The following CDKAL1 variants were observed in gnomAD, a reference collection of about 807,000 sequenced individuals.
The protein encoded by CDKAL1 is CDKAL1 threonylcarbamoyladenosine tRNA methylthiotransferase.
In CDKAL1, 32 loss-of-function variants were observed where a neutral mutation model predicts 68.2. That is an observed-to-expected ratio of 0.47 (90% CI 0.35 to 0.63). The LOEUF is 0.63. CDKAL1 is among the 30% of genes least tolerant of loss of function. The probability of loss-of-function intolerance (pLI) is 0.00; values close to 1 mark genes in which losing one functional copy is unlikely to be tolerated. For synonymous variants in CDKAL1, 234 were observed against 244.3 expected (o/e 0.96, Z 0.39); for missense variants, 606 against 696.7 (o/e 0.87, Z 1.47).
At chr6:21,016,992 T>C (rs1768376466) in intron 11 of CDKAL1, among the ~76,000 whole-genome samples, 1 of 152,240 alleles carries the variant, frequency 6.6e-6, no homozygotes, top group Non-Finnish European at 1.5e-5. Flanking sequence ...TCAAAATTGT[T>C]TCTTAGCTCC....
chr6:20,877,573 G>A (rs763261641), intron 9 of CDKAL1, among the ~76,000 whole-genome samples: 19 of 152,172 alleles, frequency 1.2e-4, no homozygotes, highest in Non-Finnish European at 2.9e-5. Flanking sequence ...TATTACCGCA[G>A]CTGGCCCTTG....
intron 7 of CDKAL1, among the ~76,000 whole-genome samples, chr6:20,765,579 A>C (rs1774663862): frequency 6.6e-6 from 1 of 152,184 alleles, no homozygotes; most frequent in African/African-American, 2.4e-5. Flanking sequence ...GTACATCTAC[A>C]TACATTATTT....
At chr6:20,701,171 A>G (rs147720713) in intron 5 of CDKAL1, among the ~76,000 whole-genome samples, 19 of 151,478 alleles carry the variant, frequency 1.3e-4, no homozygotes, top group East Asian at 5.8e-4. Flanking sequence ...CCATCCCCAC[A>G]TGCTGTGTTG....
chr6:20,920,181 A>T (rs1211179298), intron 9 of CDKAL1, among the ~76,000 whole-genome samples: 1 of 152,194 alleles, frequency 6.6e-6, no homozygotes, highest in African/African-American at 2.4e-5. Context: ...ATTCTCAGTT[A>T]GCACTGTGAA....
intron 9 of CDKAL1, among the ~76,000 whole-genome samples, chr6:20,924,989 G>A (rs1034871886): frequency 6.6e-6 from 1 of 152,242 alleles, no homozygotes; most frequent in Non-Finnish European, 1.5e-5. Context: ...AATTTGAAAA[G>A]CAGTTCTGTT....
At chr6:20,823,557 A>G (rs948795536) in intron 8 of CDKAL1, among the ~76,000 whole-genome samples, 14 of 152,216 alleles carry the variant, frequency 9.2e-5, no homozygotes, top group Admixed American at 2.0e-4. Context: ...TTACATAAAC[A>G]TGCTCTGTGA....
chr6:21,142,204 TTGGCAAGAGAA>T (rs1374901927), intron 13 of CDKAL1, among the ~76,000 whole-genome samples: 4 of 152,092 alleles, frequency 2.6e-5, no homozygotes, highest in African/African-American at 9.6e-5. Flanking sequence ...TTCTCCCCTC[TTGGCAAGAGAA>T]TGGCTTACTT....
chr6:20,839,616 AC>A (rs1379797295), intron 8 of CDKAL1, among the ~76,000 whole-genome samples: 1 of 151,942 alleles, frequency 6.6e-6, no homozygotes, highest in Non-Finnish European at 1.5e-5. Context: ...GTGTGTTTAT[AC>A]CCTGTGTAGG....
At chr6:20,665,958 A>G (rs190977095) in intron 5 of CDKAL1, among the ~76,000 whole-genome samples, 29 of 151,654 alleles carry the variant, frequency 1.9e-4, no homozygotes, top group African/African-American at 5.8e-4. Flanking sequence ...CACCCCCCCA[A>G]TTAGTATTAT....
chr6:21,171,525 A>G (rs1777389150), intron 13 of CDKAL1, among the ~76,000 whole-genome samples: 1 of 152,170 alleles, frequency 6.6e-6, no homozygotes, highest in Admixed American at 6.5e-5. Context: ...ACTTCTAAAA[A>G]TCATACTGTG....
chr6:21,118,906 A>G (rs1297881625), intron 13 of CDKAL1, among the ~76,000 whole-genome samples: 1 of 152,240 alleles, frequency 6.6e-6, no homozygotes, highest in African/African-American at 2.4e-5. Context: ...ACAATAATCC[A>G]GCTACAATGC....
intron 7 of CDKAL1, among the ~76,000 whole-genome samples, chr6:20,764,095 A>G (rs1305665011): frequency 1.3e-5 from 2 of 152,214 alleles, no homozygotes; most frequent in Non-Finnish European, 2.9e-5. Flanking sequence ...TATGAAAACT[A>G]TGAAAGGAAT....
rs191006831 is a variant in CDKAL1 at position 21,198,872 on chromosome 6, A to G, written c.1383+768A>G. On this transcript the variant is annotated intron_variant, in intron 14 of 15. Transcript: ENST00000274695. ...GAGCAATTCAAAAGTGACTGAGGAA[A>G]AGAGAGTGCCTCTTTCAGGGTCATT... is the stretch of plus-strand genomic sequence containing the variant. 2.0e-4 allele frequency among the ~76,000 whole-genome samples: 30 copies of G among 152,280 alleles called. No homozygotes were observed. The East Asian group carries it at 5.8e-3, about 29-fold the overall frequency.
chr6:21,085,675 T>C (rs1460086761), intron 12 of CDKAL1, among the ~76,000 whole-genome samples: 1 of 152,206 alleles, frequency 6.6e-6, no homozygotes. Flanking sequence ...GAAAGACTTT[T>C]TACCAGGTGC....
At chr6:20,876,228 C>G (rs904886044) in intron 9 of CDKAL1, among the ~76,000 whole-genome samples, 9 of 152,196 alleles carry the variant, frequency 5.9e-5, no homozygotes, top group African/African-American at 2.2e-4. Context: ...TAGTTTAAAA[C>G]TGGCAGAGCT....
At chr6:20,694,966 A>G (rs1471875612) in intron 5 of CDKAL1, among the ~76,000 whole-genome samples, 2 of 152,072 alleles carry the variant, frequency 1.3e-5, no homozygotes, top group African/African-American at 4.8e-5. Context: ...TTCCCCTTCC[A>G]CCATGAGTGC....
intron 12 of CDKAL1, among the ~76,000 whole-genome samples, chr6:21,101,467 G>A (rs1032991986): frequency 2.0e-4 from 30 of 152,088 alleles, no homozygotes; most frequent in African/African-American, 7.2e-4. Context: ...TATATAGGAG[G>A]TACAAAGCAG....
intron 9 of CDKAL1, among the ~76,000 whole-genome samples, chr6:20,871,257 A>G (rs1035624090): frequency 1.3e-5 from 2 of 152,234 alleles, no homozygotes; most frequent in African/African-American, 4.8e-5. Context: ...TTCTTTATCA[A>G]TAAGCTGAAT....
At chr6:20,799,040 GTTT>G (rs754008816) in intron 8 of CDKAL1, among the ~76,000 whole-genome samples, 13 of 47,506 alleles carry the variant, frequency 2.7e-4, no homozygotes, top group East Asian at 8.4e-4. Flanking sequence ...AAAGAACTGA[GTTT>G]TTTTTTTTTT....
Sources: allele counts gnomAD v4.1 joint callset (sites outside exome capture counted in the v4.1 genomes callset), GRCh38; gene constraint gnomAD v4.1.1; transcripts MANE v1.5; gene names NCBI Gene and HGNC (gene_info 2026-07-23, HGNC 2026-07-21).